The following CA10 variants were observed in gnomAD, a reference collection of about 807,000 sequenced individuals.
The protein encoded by CA10 is carbonic anhydrase-related protein 10.
In CA10, 14 loss-of-function variants were observed where a neutral mutation model predicts 44.2. That is an observed-to-expected ratio of 0.32 (90% confidence interval 0.21 to 0.50). CA10 has a LOEUF of 0.50. Among genes scored for constraint, CA10 ranks in the 20% least tolerant of loss-of-function variants. The pLI, the probability that CA10 is intolerant of heterozygous loss-of-function variation, is 0.99. For synonymous variants in CA10, 159 were observed against 141.6 expected, an observed-to-expected ratio of 1.12 and a Z score of -0.87; for missense variants, 350 against 409.7, an observed-to-expected ratio of 0.85 and a Z score of 1.26.
At chr17:51,882,317 TTTTTCCCAG>T (rs1462454440) in intron 3 of CA10, among the ~76,000 whole-genome samples, 41 of 152,162 alleles carry the variant, frequency 2.7e-4, no homozygotes, top group Admixed American at 2.7e-3. Flanking sequence ...TCCTTTTTCA[TTTTTCCCAG>T]TTAATCATTT....
chr17:52,089,984 G>A (rs536665503), intron 1 of CA10, among the ~76,000 whole-genome samples: 1 of 152,262 alleles, frequency 6.6e-6, no homozygotes, highest in Non-Finnish European at 1.5e-5. Flanking sequence ...TGAGTTATTA[G>A]TATTTCACGT....
intron 3 of CA10, among the ~76,000 whole-genome samples, chr17:51,922,002 G>A (rs1487589456): frequency 6.6e-6 from 1 of 152,040 alleles, no homozygotes; most frequent in African/African-American, 2.4e-5. Context: ...TAGTTTCTCT[G>A]ACAAAGAAAT....
intron 2 of CA10, among the ~76,000 whole-genome samples, chr17:52,072,013 A>G (rs1987692796): frequency 6.6e-6 from 1 of 152,172 alleles, no homozygotes; most frequent in Non-Finnish European, 1.5e-5. Context: ...TTCCTGTTTC[A>G]TTAATGTTAA....
intron 3 of CA10, among the ~76,000 whole-genome samples, chr17:51,896,566 G>A (rs1161249849): frequency 1.3e-5 from 2 of 152,018 alleles, no homozygotes; most frequent in Non-Finnish European, 2.9e-5. Flanking sequence ...GTGTCTTTAT[G>A]GCAGCACAAT....
At chr17:51,842,354 G>A (rs1173735668) in intron 3 of CA10, among the ~76,000 whole-genome samples, 4 of 152,138 alleles carry the variant, frequency 2.6e-5, no homozygotes, top group African/African-American at 9.7e-5. Flanking sequence ...TATGGATGGC[G>A]TGACACAATT....
At chr17:51,862,161 T>C (rs1979339471) in intron 3 of CA10, among the ~76,000 whole-genome samples, 1 of 152,192 alleles carries the variant, frequency 6.6e-6, no homozygotes, top group Non-Finnish European at 1.5e-5. Flanking sequence ...AAATTTCAAC[T>C]CCTTGAAGAA....
chr17:51,950,259 C>G (rs1165476925), intron 2 of CA10, among the ~76,000 whole-genome samples: 2 of 152,148 alleles, frequency 1.3e-5, no homozygotes, highest in Non-Finnish European at 2.9e-5. Context: ...CTCTGACCCT[C>G]TGTCTCCTCT....
chr17:52,050,561 G>A (rs1275366957), intron 2 of CA10, among the ~76,000 whole-genome samples: 1 of 151,982 alleles, frequency 6.6e-6, no homozygotes, highest in African/African-American at 2.4e-5. Context: ...ATTCTCAAAT[G>A]GCCTACAAGG....
intron 4 of CA10, among the ~76,000 whole-genome samples, chr17:51,725,676 C>A (rs1000010830): frequency 6.6e-6 from 1 of 152,188 alleles, no homozygotes; most frequent in Non-Finnish European, 1.5e-5. Context: ...GAGAGAGACC[C>A]TTTTTCTCTT....
intron 1 of CA10, among the ~76,000 whole-genome samples, chr17:52,145,190 A>G (rs1003579973): frequency 2.0e-5 from 3 of 152,302 alleles, no homozygotes; most frequent in East Asian, 1.9e-4. Context: ...CCATATAGAA[A>G]GTCATTTTCC....
At chr17:52,027,904 C>T (rs1713434178) in intron 2 of CA10, among the ~76,000 whole-genome samples, 1 of 152,124 alleles carries the variant, frequency 6.6e-6, no homozygotes, top group Non-Finnish European at 1.5e-5. Flanking sequence ...ACAGAATCTC[C>T]CTTCCCTTGA....
intron 3 of CA10, among the ~76,000 whole-genome samples, chr17:51,790,772 G>T (rs1211353323): frequency 6.6e-6 from 1 of 152,132 alleles, no homozygotes; most frequent in Non-Finnish European, 1.5e-5. Flanking sequence ...TACCATCTGT[G>T]CATCTCATTC....
chr17:51,683,589 C>T (rs771700304), intron 4 of CA10, among the ~76,000 whole-genome samples: 5 of 152,086 alleles, frequency 3.3e-5, no homozygotes, highest in South Asian at 2.1e-4. Context: ...TTGTGCAATA[C>T]GTAAAGCTTT....
intron 2 of CA10, among the ~76,000 whole-genome samples, chr17:51,969,696 GT>G (rs1032495375): frequency 2.1e-4 from 32 of 151,824 alleles, no homozygotes; most frequent in Admixed American, 3.9e-4. Context: ...TACCCCCTGT[GT>G]GCGAGGGATT....
rs753654980 is a variant in CA10, at chr17:51,681,841, G to A, written c.466-28105C>T. Reference sequence around the variant, plus strand: ...ATCCCTCCCCCTGCCACCCTTCTGCGTCTCCAGTGTCTATAAGTCCATACT... The same window carrying A: ...ATCCCTCCCCCTGCCACCCTTCTGCATCTCCAGTGTCTATAAGTCCATACT... On this transcript the variant is annotated intron_variant, in intron 4 of 8. Coordinates refer to ENST00000451037, the MANE Select transcript of CA10 (RefSeq NM_020178.5). Among the ~76,000 whole-genome samples, 7 of 152,002 alleles carry A rather than the reference G, an allele frequency of 4.6e-5. No individual in the cohort carries two copies. The South Asian group carries it at 6.2e-4, about 14-fold the overall frequency.
At chr17:51,644,645 C>T (rs1178316450) in intron 6 of CA10, among the ~76,000 whole-genome samples, 2 of 152,088 alleles carry the variant, frequency 1.3e-5, no homozygotes, top group South Asian at 2.1e-4. Flanking sequence ...TTCCCACCCA[C>T]GGATACGCTT....
At chr17:51,992,320 A>G (rs1031989602) in intron 2 of CA10, among the ~76,000 whole-genome samples, 2 of 152,126 alleles carry the variant, frequency 1.3e-5, no homozygotes, top group African/African-American at 4.8e-5. Flanking sequence ...CATCCTCATC[A>G]TCACCATCAT....
Position 51,805,680 on chromosome 17 carries a change from A to T in CA10, c.280-57862T>A, listed in dbSNP as rs1907102425. ...TGTACAATTCGACAGTTTTTAGTAA[A>T]TTGCAGAATTGTGCAACCATCTCCA... On this transcript the variant is annotated intron_variant, in intron 3 of 8. Transcript: ENST00000451037. Among the ~76,000 whole-genome samples the T allele has an allele frequency of 3.3e-5, 5 of 152,372 alleles. No individual in the cohort carries two copies. The South Asian group carries it at 6.2e-4, about 19-fold the overall frequency.
intron 2 of CA10, among the ~76,000 whole-genome samples, chr17:51,978,938 A>G (rs1321987990): frequency 2.0e-5 from 3 of 152,088 alleles, no homozygotes; most frequent in Non-Finnish European, 4.4e-5. Context: ...TACCCATAAG[A>G]AGGCTTCCTG....
Sources: allele counts gnomAD v4.1 joint callset (sites outside exome capture counted in the v4.1 genomes callset), GRCh38; gene constraint gnomAD v4.1.1; transcripts MANE v1.5; gene names NCBI Gene and HGNC (gene_info 2026-07-23, HGNC 2026-07-21).